Variants in METTL17 observed in about 807,000 individuals in gnomAD.
METTL17 encodes the protein ribosome assembly protein METTL17, mitochondrial.
METTL17 carries 49 observed loss-of-function variants against 59.4 expected under a neutral mutation model. The observed-to-expected ratio is 0.82, with a 90% CI of 0.66 to 1.05. METTL17 has a LOEUF of 1.05. Among genes scored for constraint, METTL17 ranks in the 50% least tolerant of loss-of-function variants. The pLI is 0.00. For synonymous variants in METTL17, 208 were observed against 209.2 expected, an observed-to-expected ratio of 0.99 and a Z score of 0.05; for missense variants, 555 against 578.4, an observed-to-expected ratio of 0.96 and a Z score of 0.41.
Position 20,990,284 on chromosome 14 carries a change from C to G in METTL17, c.130C>G (p.Leu44Val). ...CCAGGTAGATAACAAGTCCGGTTTC[C>G]TGCAGAAGAGGCCTCATCGCCAGCA... is the stretch of plus-strand genomic sequence containing the variant. ...VTQVDNKSGF[L>V]QKRPHRQHPG... Residue 44 changes from leucine to valine, a missense_variant, in exon 2 of 14, where the codon CTG becomes GTG. Leu to Val is a conservative substitution (Grantham distance 32, BLOSUM62 1). Coordinates refer to ENST00000339374, the MANE Select transcript of METTL17 (RefSeq NM_022734.3). The G allele has an allele frequency of 6.2e-7, 1 of 1,614,254 alleles. No homozygotes were observed. Among genetic ancestry groups the G allele is most frequent in the Non-Finnish European group, 8.5e-7 (1 of 1,180,036 alleles).
At position 20,996,371 on chromosome 14, in the gene METTL17, T is replaced by A. The variant is rs143700400; in HGVS notation, c.1080+79T>A. The A allele has an allele frequency of 2.8e-5, 43 of 1,525,568 alleles. 1 individual carries two copies. In the African/African-American group the frequency reaches 4.4e-4, roughly 16 times the overall value. 94.5% of individuals were successfully genotyped at this position (1,525,568 alleles called of 1,614,324 possible). ...GAAAAAGAATCAGAGTTAGGAGGAG[T>A]TGGATAATTTGTAGAATAGCCTGGA... On this transcript the variant is annotated intron_variant, in intron 12 of 13. Coordinates refer to ENST00000339374, the MANE Select transcript of METTL17 (RefSeq NM_022734.3).
intron 6 of METTL17, chr14:20,993,708 T>G (rs772259230): frequency 2.6e-5 from 7 of 264,918 alleles, no homozygotes; most frequent in Admixed American, 1.0e-4. Context: ...CTCCTGACCT[T>G]GTGATCCGCC....
chr14:20,996,386 A>G (rs550208310), intron 12 of METTL17, 94 bp downstream of exon 12: 15 of 1,503,464 alleles, frequency 1.0e-5, no homozygotes, highest in Non-Finnish European at 1.4e-5. Context: ...TAATTTGTAG[A>G]ATAGCCTGGA....
Position 20,996,905 on chromosome 14 carries a change from A to T in METTL17, c.*15A>T, listed in dbSNP as rs1880420314. On this transcript the variant is annotated 3_prime_UTR_variant, in exon 14 of 14. Coordinates refer to ENST00000339374, the MANE Select transcript of METTL17 (RefSeq NM_022734.3). The stretch of plus-strand genomic sequence containing the variant: ...CTGAGAGTTGATGAGGATGTGTAAC[A>T]AGTATTTTCTTCTATCGTGCCTGCC... 3 of 1,594,738 alleles carry T rather than the reference A, an allele frequency of 1.9e-6. No individual in the cohort carries two copies. The highest frequency in any genetic ancestry group is 1.1e-5 in the South Asian group (1 of 90,728).
At position 20,994,898 on chromosome 14, in the gene METTL17, C is replaced by T; in HGVS notation, c.873C>T (p.Phe291=). 6.2e-7 allele frequency: 1 copy of T among 1,611,704 alleles called. No individual in the cohort carries two copies. Among genetic ancestry groups the T allele is most frequent in the Non-Finnish European group, 8.5e-7 (1 of 1,178,336 alleles). The part of the protein sequence containing the change: ...VQTLWRKTGH[F]LVLVENGTKA... ...CCTTATGGCGTAAGACAGGTCATTT[C>T]CTGGTGAGTTAAAATTCCTTGTTCT... The change falls in exon 9 of 14, where the codon TTC becomes TTT. Residue 291 remains phenylalanine (F), a synonymous_variant. Transcript: ENST00000339374.
At chr14:20,991,947 G>A (rs1880048020) in intron 3 of METTL17, 177 bp from the exon 4 acceptor site, 2 of 599,684 alleles carry the variant, frequency 3.3e-6, no homozygotes, top group Non-Finnish European at 5.9e-6. Context: ...ATCTGTTAGT[G>A]GTAGTTGTTA....
intron 1 of METTL17, 32 bp downstream of exon 1, chr14:20,990,109 ACT>A: frequency 6.2e-7 from 1 of 1,612,160 alleles, no homozygotes; most frequent in Admixed American, 1.7e-5. Context: ...TGTCGGAGAG[ACT>A]CTGGATCTGC....
At position 20,996,596 on chromosome 14, in the gene METTL17, C is replaced by T. The variant is rs745920702; in HGVS notation, c.1150C>T (p.Arg384Cys). 26 of 1,614,104 alleles carry T rather than the reference C, an allele frequency of 1.6e-5. No homozygotes were observed. In the East Asian group the frequency reaches 2.5e-4, roughly 15 times the overall value. Reference protein sequence around the residue: ...LARGSPEEAHRWPRITQPVLK... With the variant: ...LARGSPEEAHCWPRITQPVLK... ...TCGGGGGTCTCCAGAGGAGGCTCAT[C>T]GCTGGCCCCGTATCACTCAGCCTGT... Residue 384 changes from arginine to cysteine, a missense_variant, in exon 13 of 14, where the codon CGC becomes TGC. Physicochemically the swap from Arg to Cys is radical, Grantham distance 180. Transcript: ENST00000339374.
rs1336788189 is a variant in METTL17, at chr14:20,996,699, G to GCC, written c.1254_1255dup (p.Arg419ProfsTer44). 6.2e-6 allele frequency: 10 copies of GCC among 1,614,112 alleles called. No individual in the cohort carries two copies. Among genetic ancestry groups the GCC allele is most frequent in the Non-Finnish European group, 8.5e-6 (10 of 1,180,054 alleles). On this transcript the variant is annotated frameshift_variant, in exon 13 of 14. Coordinates refer to ENST00000339374, the MANE Select transcript of METTL17 (RefSeq NM_022734.3). LOFTEE classifies it high-confidence loss of function. ...ATGCAGCATGCTGTGCTCACAGCCC[G>GCC]CCGGCACGGCAGGTATGGGGGGTGT...
Position 20,996,242 on chromosome 14 carries a change from A to T in METTL17, c.1030A>T (p.Asn344Tyr). Residue 344 changes from asparagine to tyrosine, a missense_variant, in exon 12 of 14, where the codon AAC (asparagine) becomes TAC (tyrosine). By Grantham distance (143) the Asn-to-Tyr change is moderately radical. Transcript: ENST00000339374. The stretch of plus-strand genomic sequence containing the variant: ...TGAACTCCCTTGTCCCCAGTTGACC[A>T]ACCTGGCCTGTAGCTTCTCACAGGC... The part of the protein sequence containing the change: ...PHELPCPQLT[N>Y]LACSFSQAYH... 6.2e-7 allele frequency: 1 copy of T among 1,614,164 alleles called. No individual in the cohort carries two copies. Among genetic ancestry groups the T allele is most frequent in the Non-Finnish European group, 8.5e-7 (1 of 1,180,022 alleles).
intron 1 of METTL17, 57 bp downstream of exon 1, chr14:20,990,134 G>A (rs1879947132): frequency 6.2e-7 from 1 of 1,610,942 alleles, no homozygotes; most frequent in Non-Finnish European, 8.5e-7. Context: ...AGACATCTCC[G>A]CGCAGAGGAG....
chr14:20,996,470 A>G, intron 12 of METTL17, 57 bp from the exon 13 acceptor site: 1 of 1,566,444 alleles, frequency 6.4e-7, no homozygotes, highest in Non-Finnish European at 8.7e-7. Context: ...AAGGGACTGT[A>G]CAAACTTTTT....
chr14:20,994,564 C>A lies in METTL17; in HGVS notation c.719C>A (p.Pro240His), dbSNP rs747056076. 10 of 1,614,068 alleles carry A rather than the reference C, an allele frequency of 6.2e-6. No individual in the cohort carries two copies. Among genetic ancestry groups the A allele is most frequent in the Non-Finnish European group, 7.6e-6 (9 of 1,180,032 alleles). The change falls in exon 8 of 14, where the codon CCT becomes CAT. Residue 240 changes from proline to histidine, a missense_variant. Pro to His is a moderately conservative substitution (Grantham distance 77). Transcript: ENST00000339374. ...LLKGGSESGE[P>H]YIPGVFFRQF... ...ACAGGTGGTTCAGAATCTGGGGAGC[C>A]TTATATTCCAGGTGTCTTTTTCAGA...
intron 3 of METTL17, chr14:20,991,623 C>G (rs996742428): frequency 5.9e-6 from 1 of 169,836 alleles, no homozygotes; most frequent in South Asian, 1.5e-4. Flanking sequence ...CTCTGCCTCC[C>G]GGTTTCAAGT....
At chr14:20,990,709 T>C (rs1248307390) in intron 3 of METTL17, 111 bp downstream of exon 3, 1 of 1,368,438 alleles carries the variant, frequency 7.3e-7, no homozygotes, top group African/African-American at 1.5e-5. Flanking sequence ...TATTTGACTT[T>C]CTAACCAGAG....
At chr14:20,992,321 A>C (rs2297719) in intron 4 of METTL17, 116 bp downstream of exon 4, 1 of 765,430 alleles carries the variant, frequency 1.3e-6, no homozygotes, top group East Asian at 2.5e-5. Context: ...CTGACCTTAA[A>C]AGGATCAATT....
intron 7 of METTL17, 95 bp downstream of exon 7, chr14:20,994,158 A>G (rs532323566): frequency 8.2e-5 from 71 of 866,036 alleles, no homozygotes; most frequent in Non-Finnish European, 1.3e-4. Context: ...GAGGGTAAAA[A>G]TTAAGATGAA....
intron 4 of METTL17, 61 bp downstream of exon 4, chr14:20,992,266 G>A: frequency 9.5e-7 from 1 of 1,057,814 alleles, no homozygotes; most frequent in African/African-American, 1.6e-5. Flanking sequence ...AGAGAGTTGG[G>A]GGAGTACAAT....
chr14:20,993,351 T>C, intron 6 of METTL17, 160 bp downstream of exon 6: 1 of 604,542 alleles, frequency 1.7e-6, no homozygotes, highest in Non-Finnish European at 2.9e-6. Context: ...GAAGAAGGTA[T>C]ATGGATTGGG....
Sources: allele counts gnomAD v4.1 joint callset, GRCh38; gene constraint gnomAD v4.1.1; transcripts MANE v1.5; gene names NCBI Gene and HGNC (gene_info 2026-07-23, HGNC 2026-07-21).